Variants in PTPRD observed in about 807,000 individuals in gnomAD.
PTPRD encodes receptor-type tyrosine-protein phosphatase delta.
PTPRD carries 34 observed loss-of-function variants against 214.5 expected under a neutral mutation model. That is an observed-to-expected ratio of 0.16 (90% CI 0.12 to 0.21). PTPRD has a LOEUF of 0.21. Among genes scored for constraint, PTPRD ranks in the 10% least tolerant of loss-of-function variants. The pLI is 1.00. For synonymous variants in PTPRD, 1,128 were observed against 845.7 expected, an observed-to-expected ratio of 1.33 and a Z score of -5.79; for missense variants, 2,545 against 2,398.7, an observed-to-expected ratio of 1.06 and a Z score of -1.27.
rs1317312988 is a variant in PTPRD, at chr9:9,703,458, C to T, written c.-287+31075G>A. On this transcript the variant is annotated intron_variant, in intron 7 of 45. Transcript: ENST00000381196. Reference sequence around the variant, plus strand: ...TGGGGTTTACATGGCAGAAACATTACATTCACCAGGAAGCTTGTTACCAAA... The same window carrying T: ...TGGGGTTTACATGGCAGAAACATTATATTCACCAGGAAGCTTGTTACCAAA... 3.3e-5 allele frequency among the ~76,000 whole-genome samples: 5 copies of T among 152,156 alleles called. No homozygotes were observed. The South Asian group carries it at 6.2e-4, about 19-fold the overall frequency.
chr9:10,114,884 T>C (rs2098718134), intron 3 of PTPRD, among the ~76,000 whole-genome samples: 1 of 151,994 alleles, frequency 6.6e-6, no homozygotes, highest in Non-Finnish European at 1.5e-5. Context: ...AATAGCAATA[T>C]GGAAAGATAC....
Position 9,947,424 on chromosome 9 carries a change from AT to A in PTPRD, c.-471-8815del, listed in dbSNP as rs1217595433. Reference sequence around the variant, plus strand: ...TATATAATATATATTTTATATATATATTATATATATATTATATATTTTATAT... The same window carrying A: ...TATATAATATATATTTTATATATATATATATATATATTATATATTTTATAT... On this transcript the variant is annotated intron_variant, in intron 4 of 45. Transcript: ENST00000381196. 6.1e-5 allele frequency among the ~76,000 whole-genome samples: 2 copies of A among 32,824 alleles called. 1 individual carries two copies. The allele number at this position is 32,824 out of a possible 152,430, so 21.5% of individuals were successfully genotyped here.
At chr9:9,738,603 G>A (rs369166489) in intron 6 of PTPRD, among the ~76,000 whole-genome samples, 1 of 151,508 alleles carries the variant, frequency 6.6e-6, no homozygotes, top group Non-Finnish European at 1.5e-5. Context: ...CATCACGCCT[G>A]ACTAATTTTT....
intron 2 of PTPRD, among the ~76,000 whole-genome samples, chr9:10,570,386 T>G (rs891845732): frequency 2.6e-5 from 4 of 152,150 alleles, no homozygotes; most frequent in Non-Finnish European, 5.9e-5. Flanking sequence ...CAAACAAGAT[T>G]AGACATATCA....
intron 14 of PTPRD, among the ~76,000 whole-genome samples, chr9:8,614,276 T>C (rs995950129): frequency 6.6e-6 from 1 of 152,170 alleles, no homozygotes; most frequent in African/African-American, 2.4e-5. Flanking sequence ...TTTCATACAG[T>C]GGCAAAATAT....
intron 3 of PTPRD, among the ~76,000 whole-genome samples, chr9:10,207,940 A>C (rs1013902023): frequency 4.6e-5 from 7 of 152,240 alleles, no homozygotes; most frequent in Non-Finnish European, 7.3e-5. Context: ...CAGTGCATCA[A>C]TTCCCACACA....
At chr9:9,491,538 A>G (rs898141403) in intron 8 of PTPRD, among the ~76,000 whole-genome samples, 1 of 152,042 alleles carries the variant, frequency 6.6e-6, no homozygotes, top group African/African-American at 2.4e-5. Context: ...GCCATATGTT[A>G]GGTTGCTAAT....
chr9:10,210,913 T>C (rs1314743438), intron 3 of PTPRD, among the ~76,000 whole-genome samples: 1 of 149,208 alleles, frequency 6.7e-6, no homozygotes, highest in Non-Finnish European at 1.5e-5. Context: ...TCAGAGCTGA[T>C]GCTAAACAAA....
chr9:10,013,974 A>C (rs1410744737), intron 4 of PTPRD, among the ~76,000 whole-genome samples: 1 of 151,892 alleles, frequency 6.6e-6, no homozygotes, highest in Non-Finnish European at 1.5e-5. Flanking sequence ...CTGTAATTCT[A>C]AACATGTGTT....
intron 5 of PTPRD, among the ~76,000 whole-genome samples, chr9:9,855,361 A>C (rs539096083): frequency 6.6e-6 from 1 of 152,176 alleles, no homozygotes; most frequent in Non-Finnish European, 1.5e-5. Flanking sequence ...TGAGTAAAAC[A>C]AAGGGGAGGA....
At chr9:9,696,164 A>T (rs2097370331) in intron 7 of PTPRD, among the ~76,000 whole-genome samples, 1 of 152,146 alleles carries the variant, frequency 6.6e-6, no homozygotes, top group African/African-American at 2.4e-5. Context: ...TGGTCATAAA[A>T]GGTACTTGAT....
intron 11 of PTPRD, among the ~76,000 whole-genome samples, chr9:8,813,267 G>A (rs1054732691): frequency 6.8e-6 from 1 of 146,586 alleles, no homozygotes; most frequent in African/African-American, 2.6e-5. Flanking sequence ...GGAAGGGCGG[G>A]GGGGCAGAGG....
intron 3 of PTPRD, among the ~76,000 whole-genome samples, chr9:10,082,511 C>T (rs2098256801): frequency 1.3e-5 from 2 of 151,830 alleles, no homozygotes; most frequent in Non-Finnish European, 2.9e-5. Flanking sequence ...TGGAAATTAG[C>T]AAGTACTGTG....
intron 10 of PTPRD, among the ~76,000 whole-genome samples, chr9:9,056,554 G>A (rs1020829609): frequency 3.9e-5 from 6 of 152,320 alleles, no homozygotes; most frequent in South Asian, 4.1e-4. Flanking sequence ...TTAAATTGAC[G>A]TTGATGGTAA....
chr9:9,713,203 T>C (rs543755916), intron 7 of PTPRD, among the ~76,000 whole-genome samples: 1 of 152,316 alleles, frequency 6.6e-6, no homozygotes, highest in South Asian at 2.1e-4. Flanking sequence ...AGAAAATGTG[T>C]ATTAATACAA....
At chr9:9,942,524 G>A (rs1389499920) in intron 4 of PTPRD, among the ~76,000 whole-genome samples, 1 of 152,086 alleles carries the variant, frequency 6.6e-6, no homozygotes, top group Non-Finnish European at 1.5e-5. Flanking sequence ...TGTGTAGGAA[G>A]GTCAAGGGGC....
At chr9:9,279,959 T>C (rs1016575990) in intron 9 of PTPRD, among the ~76,000 whole-genome samples, 1 of 151,348 alleles carries the variant, frequency 6.6e-6, no homozygotes, top group African/African-American at 2.4e-5. Context: ...TTTCAGGTTG[T>C]GGAAGCTCAA....
At chr9:8,586,788 T>A (rs552248277) in intron 14 of PTPRD, among the ~76,000 whole-genome samples, 3 of 152,202 alleles carry the variant, frequency 2.0e-5, no homozygotes, top group African/African-American at 7.2e-5. Flanking sequence ...TACTAGATTT[T>A]AAAATATAAA....
At chr9:8,791,464 T>A (rs1249304328) in intron 11 of PTPRD, among the ~76,000 whole-genome samples, 1 of 151,250 alleles carries the variant, frequency 6.6e-6, no homozygotes, top group Non-Finnish European at 1.5e-5. Context: ...GACCTCACGA[T>A]CTGCCCACCT....
Sources: allele counts gnomAD v4.1 joint callset (sites outside exome capture counted in the v4.1 genomes callset), GRCh38; gene constraint gnomAD v4.1.1; transcripts MANE v1.5; gene names NCBI Gene and HGNC (gene_info 2026-07-23, HGNC 2026-07-21).